CCSER1: variants seen among roughly 807,000 people sequenced by gnomAD.
The protein encoded by CCSER1 is coiled-coil serine rich protein 1.
A neutral mutation model predicts 82.0 loss-of-function variants in CCSER1; 41 were observed. The ratio of observed to expected loss-of-function variants is 0.50; its 90% CI spans 0.39 to 0.65. The LOEUF (loss-of-function observed/expected upper bound fraction) is 0.65. Ranked by LOEUF, CCSER1 falls within the 30% of genes least tolerant of loss-of-function variation. The pLI, the probability that CCSER1 is intolerant of heterozygous loss-of-function variation, is 0.00. For missense variants in CCSER1, 1,119 were observed against 1,064.2 expected, an observed-to-expected ratio of 1.05 and a Z score of -0.72; for synonymous variants, 414 against 383.9, an observed-to-expected ratio of 1.08 and a Z score of -0.92.
At chr4:90,306,548 A>G (rs1450383771) in intron 1 of CCSER1, among the ~76,000 whole-genome samples, 1 of 152,160 alleles carries the variant, frequency 6.6e-6, no homozygotes, top group Non-Finnish European at 1.5e-5. Context: ...TTATAATACA[A>G]ATATGTTAGA....
rs530604234 is a variant in CCSER1, at chr4:90,610,329, C to T, written c.1725-17696C>T. Among the ~76,000 whole-genome samples the T allele has an allele frequency of 7.2e-5, 11 of 151,858 alleles. No individual in the cohort carries two copies. The South Asian group carries it at 2.3e-3, about 32-fold the overall frequency. On this transcript the variant is annotated intron_variant, in intron 5 of 10. Transcript: ENST00000509176. ...ATGTGATTTCAGTAAGCTGTAATTA[C>T]AAAAGATCGCAAGGAATCTGCCATT...
chr4:90,730,332 G>A (rs1744469360), intron 7 of CCSER1, among the ~76,000 whole-genome samples: 1 of 152,046 alleles, frequency 6.6e-6, no homozygotes, highest in African/African-American at 2.4e-5. Context: ...CTTAGTATTA[G>A]AAATCGCTTT....
intron 8 of CCSER1, among the ~76,000 whole-genome samples, chr4:90,911,699 G>A (rs1246412439): frequency 1.3e-5 from 2 of 152,192 alleles, no homozygotes; most frequent in Non-Finnish European, 2.9e-5. Flanking sequence ...CACCCAGGAA[G>A]CTCAAGGGGT....
chr4:91,126,271 A>C (rs908034622), intron 10 of CCSER1, among the ~76,000 whole-genome samples: 1 of 151,878 alleles, frequency 6.6e-6, no homozygotes, highest in Non-Finnish European at 1.5e-5. Context: ...TTTTACTTAC[A>C]CAAGAAAATT....
At chr4:90,685,845 C>G (rs1175100631) in intron 6 of CCSER1, among the ~76,000 whole-genome samples, 1 of 152,122 alleles carries the variant, frequency 6.6e-6, no homozygotes, top group Non-Finnish European at 1.5e-5. Flanking sequence ...TCAACTAAAT[C>G]CCTTATTCTG....
chr4:91,085,119 T>TA (rs941624014), intron 9 of CCSER1, among the ~76,000 whole-genome samples: 1 of 151,818 alleles, frequency 6.6e-6, no homozygotes, highest in African/African-American at 2.4e-5. Flanking sequence ...TTTTTTTTTT[T>TA]ACCTTATACA....
At chr4:91,562,078 A>G (rs1381212070) in intron 10 of CCSER1, among the ~76,000 whole-genome samples, 1 of 151,510 alleles carries the variant, frequency 6.6e-6, no homozygotes, top group African/African-American at 2.4e-5. Context: ...TACTCCACTG[A>G]TGATGTGTCA....
chr4:90,465,336 T>C (rs987305507), intron 4 of CCSER1, among the ~76,000 whole-genome samples: 2 of 150,336 alleles, frequency 1.3e-5, no homozygotes, highest in Non-Finnish European at 1.5e-5. Flanking sequence ...TTTTTTTTTT[T>C]TTGAGGTGCA....
In CCSER1 at chr4:90,479,223, A is replaced by G. The variant is rs560131173; in HGVS notation, c.1724+10869A>G. Reference sequence around the variant, plus strand: ...TAAATCAACATAATATAAAGGAAGAATATAAGTAACAAAATTCTTCACTGA... The same window carrying G: ...TAAATCAACATAATATAAAGGAAGAGTATAAGTAACAAAATTCTTCACTGA... On this transcript the variant is annotated intron_variant, in intron 5 of 10. Transcript: ENST00000509176. Among the ~76,000 whole-genome samples the G allele has an allele frequency of 2.6e-5, 4 of 152,288 alleles. No individual in the cohort carries two copies. The East Asian group carries it at 7.7e-4, about 29-fold the overall frequency.
intron 10 of CCSER1, among the ~76,000 whole-genome samples, chr4:91,387,273 T>G (rs1751356284): frequency 6.6e-6 from 1 of 151,954 alleles, no homozygotes; most frequent in Admixed American, 6.6e-5. Context: ...GGGCAAATAT[T>G]AACAATGGGT....
chr4:90,832,241 A>G (rs1234667236), intron 8 of CCSER1, among the ~76,000 whole-genome samples: 1 of 152,142 alleles, frequency 6.6e-6, no homozygotes, highest in Non-Finnish European at 1.5e-5. Context: ...TTTCCATAGT[A>G]GAAATGTCTG....
chr4:90,667,949 A>G (rs994491179), intron 6 of CCSER1, among the ~76,000 whole-genome samples: 9 of 152,300 alleles, frequency 5.9e-5, no homozygotes, highest in Non-Finnish European at 1.2e-4. Context: ...ATTTGGTTCA[A>G]TAATGCTACT....
chr4:90,325,103 C>A (rs1404536891), intron 3 of CCSER1, among the ~76,000 whole-genome samples: 1 of 152,154 alleles, frequency 6.6e-6, no homozygotes, highest in Non-Finnish European at 1.5e-5. Context: ...TATGATTGCT[C>A]ACCTGACTTT....
intron 10 of CCSER1, among the ~76,000 whole-genome samples, chr4:91,545,669 C>CTAAAAAAATAAA (rs1761851155): frequency 1.3e-5 from 2 of 152,026 alleles, no homozygotes; most frequent in African/African-American, 4.8e-5. Flanking sequence ...CATATTAGAT[C>CTAAAAAAATAAA]CAGAAGGGCT....
At chr4:91,093,076 A>T (rs985736951) in intron 10 of CCSER1, among the ~76,000 whole-genome samples, 3 of 152,200 alleles carry the variant, frequency 2.0e-5, no homozygotes, top group Non-Finnish European at 4.4e-5. Context: ...AGTCAGTATA[A>T]ATGTTTACAG....
intron 5 of CCSER1, among the ~76,000 whole-genome samples, chr4:90,483,575 C>T (rs1250581665): frequency 6.6e-6 from 1 of 152,184 alleles, no homozygotes; most frequent in Non-Finnish European, 1.5e-5. Flanking sequence ...CTGGTGGTGA[C>T]AGAATCTCTC....
chr4:91,473,792 G>T (rs1757415418), intron 10 of CCSER1, among the ~76,000 whole-genome samples: 1 of 151,942 alleles, frequency 6.6e-6, no homozygotes, highest in South Asian at 2.1e-4. Flanking sequence ...TATCTCATTT[G>T]CCTGGTTTTA....
At chr4:90,558,492 C>T (rs1289680788) in intron 5 of CCSER1, among the ~76,000 whole-genome samples, 1 of 151,938 alleles carries the variant, frequency 6.6e-6, no homozygotes, top group African/African-American at 2.4e-5. Flanking sequence ...GTTCATTGGT[C>T]CTTTCAGTGA....
chr4:90,988,940 T>G lies in CCSER1; in HGVS notation c.2172+65493T>G, dbSNP rs556815246. Among the ~76,000 whole-genome samples, 331 of 151,910 alleles carry G rather than the reference T, an allele frequency of 2.2e-3. 2 individuals are homozygous for G. The highest frequency in any genetic ancestry group is 7.7e-3 in the African/African-American group (318 of 41,510). The stretch of plus-strand genomic sequence containing the variant: ...TTGAAAGTAAACTAATCAACAGACT[T>G]GGCTAGACACAGCATCTCCAAGTTG... On this transcript the variant is annotated intron_variant, in intron 9 of 10. Coordinates refer to ENST00000509176, the MANE Select transcript of CCSER1 (RefSeq NM_001145065.2).
Sources: gnomAD v4.1 joint callset for allele counts (sites outside exome capture counted in the v4.1 genomes callset) on GRCh38, gnomAD v4.1.1 for gene constraint, MANE v1.5 for transcripts, NCBI Gene and HGNC (gene_info 2026-07-23, HGNC 2026-07-21) for gene names.